The following SPIDR variants were observed in gnomAD, a reference collection of about 807,000 sequenced individuals.
SPIDR encodes the protein DNA repair-scaffolding protein.
A neutral mutation model predicts 104.6 loss-of-function variants in SPIDR; 93 were observed. That is an observed-to-expected ratio of 0.89 (90% CI 0.75 to 1.06). The LOEUF (loss-of-function observed/expected upper bound fraction) is 1.06. Ranked by LOEUF, SPIDR falls within the 50% of genes least tolerant of loss-of-function variation. The pLI, the probability that SPIDR is intolerant of heterozygous loss-of-function variation, is 0.00. For synonymous variants in SPIDR, 431 were observed against 416.9 expected, an observed-to-expected ratio of 1.03 and a Z score of -0.41; for missense variants, 1,154 against 1,111.2, an observed-to-expected ratio of 1.04 and a Z score of -0.55.
At chr8:47,320,274 T>C (rs137879976) in intron 5 of SPIDR, among the ~76,000 whole-genome samples, 4,007 of 152,108 alleles carry the variant, frequency 0.026, 132 homozygotes, top group African/African-American at 0.084. Context: ...ATATCACCAC[T>C]AATCCCACAG....
chr8:47,425,389 G>A (rs2066255797), intron 7 of SPIDR, among the ~76,000 whole-genome samples: 1 of 152,096 alleles, frequency 6.6e-6, no homozygotes, highest in African/African-American at 2.4e-5. Context: ...TGGACTAGAT[G>A]GATGACAAGC....
chr8:47,500,860 T>C lies in SPIDR; in HGVS notation c.1097+60318T>C, dbSNP rs915097062. 1.8e-4 allele frequency among the ~76,000 whole-genome samples: 27 copies of C among 152,362 alleles called. 1 individual carries two copies. The highest frequency in any genetic ancestry group is 3.4e-3 in the Middle Eastern group (1 of 294). ...GGATCCAGTTTCAGCTTTCTACATA[T>C]GGCTAGCCAGTTTTCCCAGCACCAT... On this transcript the variant is annotated intron_variant, in intron 8 of 19. Transcript: ENST00000297423.
intron 17 of SPIDR, among the ~76,000 whole-genome samples, chr8:47,728,418 CAG>C (rs996718245): frequency 1.3e-5 from 2 of 151,550 alleles, no homozygotes; most frequent in Non-Finnish European, 2.9e-5. Context: ...ACCTGGGTAA[CAG>C]AGAGAGAGCG....
At chr8:47,600,446 T>A (rs951604855) in intron 10 of SPIDR, among the ~76,000 whole-genome samples, 16 of 152,222 alleles carry the variant, frequency 1.1e-4, no homozygotes, top group Non-Finnish European at 2.4e-4. Flanking sequence ...GAATTATGAA[T>A]CATCTTCAAG....
intron 10 of SPIDR, among the ~76,000 whole-genome samples, chr8:47,621,824 G>T (rs2065213390): frequency 6.6e-6 from 1 of 152,176 alleles, no homozygotes. Context: ...AATTAGCCAG[G>T]CATGATGGTG....
At chr8:47,491,259 A>G (rs2078660950) in intron 8 of SPIDR, among the ~76,000 whole-genome samples, 1 of 152,184 alleles carries the variant, frequency 6.6e-6, no homozygotes, top group African/African-American at 2.4e-5. Flanking sequence ...CACTGTCAGA[A>G]TATATATTGA....
At chr8:47,350,542 G>T (rs1440269094) in intron 5 of SPIDR, among the ~76,000 whole-genome samples, 1 of 152,098 alleles carries the variant, frequency 6.6e-6, no homozygotes, top group Non-Finnish European at 1.5e-5. Flanking sequence ...TTGAACTCTT[G>T]ACATTAAGTG....
chr8:47,440,450 G>A lies in SPIDR; in HGVS notation c.1005G>A (p.Arg335=). Residue 335 remains arginine (R), a synonymous_variant, in exon 8 of 20, where the codon AGG becomes AGA. Transcript: ENST00000297423. The part of the protein sequence containing the change: ...ATSSSQSVAP[R]PGAGLKVLFT... ...GCTCCTCCCAAAGTGTGGCTCCCAGGCCTGGAGCTGGCCTGAAAGTTCTCT... is the reference window on the plus strand; with the variant it reads ...GCTCCTCCCAAAGTGTGGCTCCCAGACCTGGAGCTGGCCTGAAAGTTCTCT... 2 of 1,614,206 alleles carry A rather than the reference G, an allele frequency of 1.2e-6. No homozygotes were observed. The highest frequency in any genetic ancestry group is 1.1e-5 in the South Asian group (1 of 91,090).
chr8:47,421,389 C>A (rs549292110), intron 7 of SPIDR, among the ~76,000 whole-genome samples: 35 of 152,284 alleles, frequency 2.3e-4, no homozygotes, highest in African/African-American at 7.7e-4. Flanking sequence ...CCCTTTCTTC[C>A]AGTTGATTGA....
chr8:47,405,441 A>G (rs902512279), intron 6 of SPIDR, among the ~76,000 whole-genome samples: 4 of 152,152 alleles, frequency 2.6e-5, no homozygotes, highest in Non-Finnish European at 5.9e-5. Context: ...TTGTATTTAC[A>G]GTCATTTTAA....
intron 5 of SPIDR, among the ~76,000 whole-genome samples, chr8:47,327,075 G>GT (rs1288948641): frequency 1.3e-5 from 2 of 152,026 alleles, no homozygotes; most frequent in African/African-American, 4.8e-5. Flanking sequence ...AAAGGTTTCA[G>GT]TTTCTCCACA....
At chr8:47,398,301 A>C (rs1788327966) in intron 6 of SPIDR, among the ~76,000 whole-genome samples, 2 of 152,218 alleles carry the variant, frequency 1.3e-5, no homozygotes, top group Non-Finnish European at 2.9e-5. Flanking sequence ...CTGTTCATGC[A>C]CAGGAGCAAG....
At chr8:47,391,175 A>T (rs1405179395) in intron 5 of SPIDR, among the ~76,000 whole-genome samples, 4 of 152,124 alleles carry the variant, frequency 2.6e-5, no homozygotes, top group Non-Finnish European at 4.4e-5. Context: ...CTAAAATACC[A>T]TATGCTAAAA....
chr8:47,511,275 G>A (rs1012281775), intron 8 of SPIDR: 25 of 1,520,742 alleles, frequency 1.6e-5, no homozygotes, highest in East Asian at 9.0e-5. Flanking sequence ...TCTCTGATTC[G>A]ACGATTAAGA....
intron 8 of SPIDR, among the ~76,000 whole-genome samples, chr8:47,564,764 G>A (rs2057558842): frequency 6.6e-6 from 1 of 151,542 alleles, no homozygotes; most frequent in African/African-American, 2.4e-5. Flanking sequence ...TTTAAAAGTA[G>A]ACTAGTTTTA....
chr8:47,407,834 C>T (rs781818412), intron 6 of SPIDR, 27 bp from the exon 7 acceptor site: 12 of 1,427,824 alleles, frequency 8.4e-6, no homozygotes, highest in Admixed American at 5.3e-5. Context: ...TTTAACTAAA[C>T]TTAATACATT....
chr8:47,420,248 C>CT (rs1399498102), intron 7 of SPIDR, among the ~76,000 whole-genome samples: 1 of 152,092 alleles, frequency 6.6e-6, no homozygotes, highest in Non-Finnish European at 1.5e-5. Flanking sequence ...GTGTGGGAGT[C>CT]TAAGTCTCTT....
intron 5 of SPIDR, among the ~76,000 whole-genome samples, chr8:47,320,015 C>A (rs543614446): frequency 0.018 from 2,764 of 150,316 alleles, 85 homozygotes; most frequent in African/African-American, 0.064. Context: ...AAAATTGACA[C>A]CCTAACATCA....
chr8:47,337,189 C>G (rs2049927845), intron 5 of SPIDR, among the ~76,000 whole-genome samples: 1 of 152,008 alleles, frequency 6.6e-6, no homozygotes, highest in African/African-American at 2.4e-5. Context: ...GTGCAGGGGT[C>G]TGATGATAAC....
Sources: allele counts gnomAD v4.1 joint callset (sites outside exome capture counted in the v4.1 genomes callset), GRCh38; gene constraint gnomAD v4.1.1; transcripts MANE v1.5; gene names NCBI Gene and HGNC (gene_info 2026-07-23, HGNC 2026-07-21).